The following EHD4 variants were observed in gnomAD, a reference collection of about 807,000 sequenced individuals.
The protein encoded by EHD4 is EH domain-containing protein 4.
Under a neutral mutation model 51.0 loss-of-function variants are expected in EHD4, and 37 were observed. The observed-to-expected ratio is 0.73, with a 90% CI of 0.56 to 0.95. EHD4 has a LOEUF of 0.95. Ranked by LOEUF, EHD4 falls within the 40% of genes least tolerant of loss-of-function variation. EHD4 has a pLI of 0.00. For synonymous variants in EHD4, 297 were observed against 317.3 expected, an observed-to-expected ratio of 0.94 and a Z score of 0.68; for missense variants, 632 against 733.1, an observed-to-expected ratio of 0.86 and a Z score of 1.59.
intron 3 of EHD4, among the ~76,000 whole-genome samples, chr15:41,926,460 T>C (rs141093036): frequency 7.5e-4 from 115 of 152,324 alleles, no homozygotes; most frequent in African/African-American, 2.7e-3. Flanking sequence ...TGTGTGGCTC[T>C]GTCTGTGCAA....
chr15:41,968,485 TC>T (rs1181719588), intron 1 of EHD4, among the ~76,000 whole-genome samples: 36 of 145,526 alleles, frequency 2.5e-4, no homozygotes, highest in Non-Finnish European at 4.5e-4. Context: ...AGATGGGGTC[TC>T]ACTATGTTGC....
chr15:41,923,582 T>C (rs78954937), intron 3 of EHD4, among the ~76,000 whole-genome samples: 3,326 of 152,296 alleles, frequency 0.022, 140 homozygotes, highest in African/African-American at 0.077. Context: ...TCCCTGGGGC[T>C]GAGCCTGGGG....
At chr15:41,934,196 G>C (rs2067717343) in intron 3 of EHD4, among the ~76,000 whole-genome samples, 1 of 152,100 alleles carries the variant, frequency 6.6e-6, no homozygotes, top group African/African-American at 2.4e-5. Context: ...AGGAGGGACA[G>C]GCTCAGGCTC....
At chr15:41,932,984 T>C (rs2067708652) in intron 3 of EHD4, among the ~76,000 whole-genome samples, 1 of 152,246 alleles carries the variant, frequency 6.6e-6, no homozygotes, top group Non-Finnish European at 1.5e-5. Flanking sequence ...TTATTAATCA[T>C]GATCCATGTT....
chr15:41,958,750 G>A (rs976815677), intron 1 of EHD4, among the ~76,000 whole-genome samples: 6 of 152,094 alleles, frequency 3.9e-5, no homozygotes, highest in African/African-American at 7.2e-5. Flanking sequence ...TATACCTAAC[G>A]CTTGAGGACT....
At chr15:41,926,343 C>T (rs1397988846) in intron 3 of EHD4, among the ~76,000 whole-genome samples, 1 of 152,226 alleles carries the variant, frequency 6.6e-6, no homozygotes, top group Non-Finnish European at 1.5e-5. Context: ...CGGAACACTG[C>T]CTAAAACTGC....
At chr15:41,941,598 T>G (rs567910642) in intron 3 of EHD4, 2 of 152,012 alleles carry the variant, frequency 1.3e-5, no homozygotes, top group South Asian at 2.1e-4. Context: ...TTTTTTGTTT[T>G]TTTTTCATAA....
chr15:41,907,895 T>G (rs1411716522), intron 5 of EHD4, among the ~76,000 whole-genome samples: 1 of 147,794 alleles, frequency 6.8e-6, no homozygotes, highest in Non-Finnish European at 1.5e-5. Context: ...TTTTTTGAGA[T>G]GGGGTCTGCC....
intron 5 of EHD4, among the ~76,000 whole-genome samples, chr15:41,902,188 T>A (rs2067481955): frequency 6.6e-6 from 1 of 152,108 alleles, no homozygotes; most frequent in Admixed American, 6.6e-5. Flanking sequence ...CCACAGAGGC[T>A]CTGTGGATGG....
intron 4 of EHD4, among the ~76,000 whole-genome samples, chr15:41,914,040 A>G (rs1002368591): frequency 8.0e-5 from 12 of 150,894 alleles, no homozygotes; most frequent in Non-Finnish European, 1.2e-4. Context: ...GTGTCCAATG[A>G]TGTGTGTGTG....
At chr15:41,949,369 CA>C (rs200807554) in intron 2 of EHD4, among the ~76,000 whole-genome samples, 3 of 151,214 alleles carry the variant, frequency 2.0e-5, no homozygotes, top group African/African-American at 7.3e-5. Context: ...GACTCCATCT[CA>C]AAAAAATAAT....
intron 3 of EHD4, among the ~76,000 whole-genome samples, chr15:41,920,864 A>G (rs555556086): frequency 1.3e-5 from 2 of 152,346 alleles, no homozygotes; most frequent in South Asian, 4.1e-4. Context: ...AAAATACTCA[A>G]CCATCTGTGG....
intron 4 of EHD4, among the ~76,000 whole-genome samples, chr15:41,910,700 C>G (rs1276978600): frequency 6.6e-6 from 1 of 152,200 alleles, no homozygotes; most frequent in East Asian, 1.9e-4. Flanking sequence ...TCCCGAGTAG[C>G]TGGGATTACA....
At chr15:41,962,290 G>A (rs1463458912) in intron 1 of EHD4, among the ~76,000 whole-genome samples, 2 of 152,184 alleles carry the variant, frequency 1.3e-5, no homozygotes, top group African/African-American at 4.8e-5. Context: ...GACAGAAAAT[G>A]AGAATTGATA....
At chr15:41,953,236 G>A (rs576263164) in intron 2 of EHD4, among the ~76,000 whole-genome samples, 4 of 152,222 alleles carry the variant, frequency 2.6e-5, no homozygotes, top group South Asian at 4.2e-4. Context: ...GAAGCCCAGC[G>A]CACCATGCCT....
Position 41,940,694 on chromosome 15 carries a change from T to A in EHD4, c.511+2373A>T, listed in dbSNP as rs116347920. 6.1e-3 allele frequency among the ~76,000 whole-genome samples: 926 copies of A among 152,344 alleles called. 14 individuals are homozygous for A. Among genetic ancestry groups the A allele is most frequent in the African/African-American group, 0.021 (886 of 41,578 alleles). On this transcript the variant is annotated intron_variant, in intron 3 of 5. Coordinates refer to ENST00000220325, the MANE Select transcript of EHD4 (RefSeq NM_139265.4). Reference sequence around the variant, plus strand: ...GGATGTGAGTAAGTACATGCCATAGTAAGTCAGACCAGGATATGAGTCAGA... The same window carrying A: ...GGATGTGAGTAAGTACATGCCATAGAAAGTCAGACCAGGATATGAGTCAGA...
At chr15:41,965,182 A>T (rs751770567) in intron 1 of EHD4, among the ~76,000 whole-genome samples, 3 of 152,224 alleles carry the variant, frequency 2.0e-5, no homozygotes, top group Non-Finnish European at 2.9e-5. Flanking sequence ...AACATTATGT[A>T]TAACAGCATA....
At chr15:41,956,622 C>G (rs1247981435) in intron 1 of EHD4, among the ~76,000 whole-genome samples, 1 of 152,182 alleles carries the variant, frequency 6.6e-6, no homozygotes, top group Non-Finnish European at 1.5e-5. Flanking sequence ...TAAGTAGCGA[C>G]CCTACTGGAC....
chr15:41,964,997 C>T (rs779769217), intron 1 of EHD4, among the ~76,000 whole-genome samples: 10 of 152,196 alleles, frequency 6.6e-5, no homozygotes, highest in Admixed American at 4.6e-4. Context: ...ATCTTGAACT[C>T]CTGGAGTCAA....
Sources: allele counts gnomAD v4.1 joint callset (sites outside exome capture counted in the v4.1 genomes callset), GRCh38; gene constraint gnomAD v4.1.1; transcripts MANE v1.5; gene names NCBI Gene and HGNC (gene_info 2026-07-23, HGNC 2026-07-21).